Variants in ZNF704 observed in about 807,000 individuals in gnomAD.
ZNF704 encodes the protein glucocorticoid induced gene 1.
Under a neutral mutation model 44.7 loss-of-function variants are expected in ZNF704, and 10 were observed. That is an observed-to-expected ratio of 0.22 (90% CI 0.14 to 0.38). The LOEUF (loss-of-function observed/expected upper bound fraction) is 0.38. ZNF704 is among the 10% of genes least tolerant of loss of function. ZNF704 has a pLI of 1.00. For missense variants in ZNF704, 390 were observed against 545.5 expected (o/e 0.71, Z 2.84); for synonymous variants, 211 against 207.6 (o/e 1.02, Z -0.14).
chr8:80,697,627 T>A (rs528815331), intron 2 of ZNF704, among the ~76,000 whole-genome samples: 7 of 152,222 alleles, frequency 4.6e-5, no homozygotes, highest in Non-Finnish European at 1.0e-4. Flanking sequence ...TTACTTAAAC[T>A]CACTGTTTCC....
At chr8:80,779,785 C>T (rs1277048875) in intron 2 of ZNF704, among the ~76,000 whole-genome samples, 10 of 151,638 alleles carry the variant, frequency 6.6e-5, no homozygotes, top group African/African-American at 1.2e-4. Flanking sequence ...ACAGGATAAC[C>T]GTCTTTTTTA....
intron 2 of ZNF704, among the ~76,000 whole-genome samples, chr8:80,705,239 C>T (rs568687111): frequency 6.6e-6 from 1 of 152,240 alleles, no homozygotes; most frequent in East Asian, 1.9e-4. Flanking sequence ...AGAGGGAACA[C>T]AGCAAATTCC....
intron 1 of ZNF704, among the ~76,000 whole-genome samples, chr8:80,854,483 T>G (rs1808924575): frequency 6.6e-6 from 1 of 152,218 alleles, no homozygotes; most frequent in Non-Finnish European, 1.5e-5. Flanking sequence ...CTTGCCTAAC[T>G]GTGACATAGT....
At chr8:80,751,647 T>C (rs928950451) in intron 2 of ZNF704, among the ~76,000 whole-genome samples, 4 of 152,202 alleles carry the variant, frequency 2.6e-5, no homozygotes, top group African/African-American at 4.8e-5. Context: ...ATTCTTGAAA[T>C]TGCTTGATGC....
chr8:80,844,860 T>TATTG (rs1368479116), intron 1 of ZNF704, among the ~76,000 whole-genome samples: 36 of 150,012 alleles, frequency 2.4e-4, no homozygotes, highest in Non-Finnish European at 4.3e-4. Flanking sequence ...TTTATTTATT[T>TATTG]ATTGAGACAG....
intron 2 of ZNF704, among the ~76,000 whole-genome samples, chr8:80,813,252 A>T (rs1808119218): frequency 5.3e-5 from 8 of 152,220 alleles, no homozygotes; most frequent in Admixed American, 5.2e-4. Context: ...TGGAAGTGAT[A>T]CTTGAAAATG....
chr8:80,662,634 T>G (rs1157207802), intron 6 of ZNF704, among the ~76,000 whole-genome samples: 2 of 152,238 alleles, frequency 1.3e-5, no homozygotes, highest in Admixed American at 6.5e-5. Flanking sequence ...CCTCTATAGG[T>G]GTAATTTTCT....
intron 2 of ZNF704, among the ~76,000 whole-genome samples, chr8:80,784,803 A>G (rs1807588607): frequency 1.4e-5 from 2 of 139,162 alleles, no homozygotes; most frequent in African/African-American, 6.9e-5. Flanking sequence ...GTTGTTTCTA[A>G]AAGGTCATCA....
intron 2 of ZNF704, among the ~76,000 whole-genome samples, chr8:80,739,220 G>A (rs1563536779): frequency 6.6e-6 from 1 of 152,260 alleles, no homozygotes; most frequent in East Asian, 1.9e-4. Context: ...TTGGAAGCCC[G>A]GATCCCAGGA....
chr8:80,755,018 G>A (rs908588743), intron 2 of ZNF704, among the ~76,000 whole-genome samples: 3 of 152,116 alleles, frequency 2.0e-5, no homozygotes, highest in Admixed American at 2.0e-4. Context: ...AGATAATAGG[G>A]TAAAAGTTCA....
At chr8:80,677,222 T>C (rs1308311612) in intron 4 of ZNF704, among the ~76,000 whole-genome samples, 1 of 152,202 alleles carries the variant, frequency 6.6e-6, no homozygotes, top group Non-Finnish European at 1.5e-5. Flanking sequence ...AGGCCTCAAA[T>C]TGCTGATTGT....
chr8:80,794,046 T>A (rs948591359), intron 2 of ZNF704, among the ~76,000 whole-genome samples: 1 of 152,142 alleles, frequency 6.6e-6, no homozygotes, highest in Non-Finnish European at 1.5e-5. Flanking sequence ...TGTACAGACA[T>A]CTGAAATTTA....
intron 7 of ZNF704, among the ~76,000 whole-genome samples, chr8:80,655,151 T>A (rs928445692): frequency 7.0e-6 from 1 of 142,652 alleles, no homozygotes; most frequent in Non-Finnish European, 1.5e-5. Context: ...TGAGAATACA[T>A]GGACACAGGA....
intron 1 of ZNF704, among the ~76,000 whole-genome samples, chr8:80,825,218 G>A (rs1420650483): frequency 1.3e-5 from 2 of 152,050 alleles, no homozygotes. Flanking sequence ...CAAAATAAAG[G>A]GATGGAGGAA....
chr8:80,742,531 G>T (rs1014954867), intron 2 of ZNF704, among the ~76,000 whole-genome samples: 15 of 152,150 alleles, frequency 9.9e-5, no homozygotes, highest in African/African-American at 3.1e-4. Flanking sequence ...GTGTGCCAAA[G>T]AAATAATCCC....
intron 8 of ZNF704, among the ~76,000 whole-genome samples, chr8:80,642,345 T>C (rs1186815412): frequency 6.6e-6 from 1 of 152,234 alleles, no homozygotes; most frequent in Non-Finnish European, 1.5e-5. Context: ...CATATCTGAA[T>C]TCTAGCCTCA....
intron 1 of ZNF704, among the ~76,000 whole-genome samples, chr8:80,867,124 A>G (rs570317316): frequency 5.1e-4 from 78 of 152,184 alleles, no homozygotes; most frequent in African/African-American, 1.8e-3. Context: ...ATGGGCACTC[A>G]CTTCCCAGTG....
chr8:80,664,129 G>C (rs943636127), intron 6 of ZNF704, among the ~76,000 whole-genome samples: 1 of 150,552 alleles, frequency 6.6e-6, no homozygotes, highest in Non-Finnish European at 1.5e-5. Context: ...ACAGAGTCTC[G>C]CTCTGTCGCC....
At chr8:80,643,516 CAAAAAAAAAAAAAAA>C (rs1174433192) in intron 7 of ZNF704, among the ~76,000 whole-genome samples, 7 of 23,382 alleles carry the variant, frequency 3.0e-4, no homozygotes, top group South Asian at 3.9e-3. Flanking sequence ...GATCCTGTCT[CAAAAAAAAAAAAAAA>C]AAAAAAAAAA....
Sources: gnomAD v4.1 joint callset for allele counts (sites outside exome capture counted in the v4.1 genomes callset) on GRCh38, gnomAD v4.1.1 for gene constraint, MANE v1.5 for transcripts, NCBI Gene and HGNC (gene_info 2026-07-23, HGNC 2026-07-21) for gene names.